ASCC1: variants seen among roughly 807,000 people sequenced by gnomAD.
The protein encoded by ASCC1 is activating signal cointegrator 1 complex subunit 1.
ASCC1 carries 35 observed loss-of-function variants against 46.6 expected under a neutral mutation model. That is an observed-to-expected ratio of 0.75 (90% CI 0.57 to 0.99). ASCC1 has a LOEUF of 0.99. Among genes scored for constraint, ASCC1 ranks in the 50% least tolerant of loss-of-function variants. ASCC1 has a pLI of 0.00. For synonymous variants in ASCC1, 143 were observed against 146.6 expected, an observed-to-expected ratio of 0.98 and a Z score of 0.18; for missense variants, 376 against 428.7, an observed-to-expected ratio of 0.88 and a Z score of 1.09.
intron 9 of ASCC1, among the ~76,000 whole-genome samples, chr10:72,100,301 TCAC>T (rs1841600349): frequency 1.3e-5 from 2 of 151,858 alleles, no homozygotes; most frequent in Admixed American, 1.3e-4. Flanking sequence ...CGATCTCAGC[TCAC>T]CACAACCTCT....
chr10:72,118,731 A>T (rs986488509), intron 9 of ASCC1, among the ~76,000 whole-genome samples: 1 of 152,002 alleles, frequency 6.6e-6, no homozygotes, highest in Non-Finnish European at 1.5e-5. Flanking sequence ...GTGAGCCAAG[A>T]TCGCACCATT....
intron 9 of ASCC1, among the ~76,000 whole-genome samples, chr10:72,119,510 C>T (rs890221509): frequency 6.6e-6 from 1 of 152,164 alleles, no homozygotes; most frequent in Non-Finnish European, 1.5e-5. Flanking sequence ...TCTAACCATC[C>T]TGTTCCACCT....
At chr10:72,153,096 G>A (rs1848559540) in intron 6 of ASCC1, 108 bp from the exon 7 acceptor site, 2 of 1,407,258 alleles carry the variant, frequency 1.4e-6, no homozygotes, top group Non-Finnish European at 2.0e-6. Context: ...TTACTTACAT[G>A]TGTACAAAAA....
rs1263010220 is a variant in ASCC1 at position 72,096,088 on chromosome 10, T to A, written c.*1246A>T. On this transcript the variant is annotated 3_prime_UTR_variant, in exon 10 of 10. Coordinates refer to ENST00000672957, the MANE Select transcript of ASCC1 (RefSeq NM_001198800.3). Reference sequence around the variant, plus strand: ...GTGCAGTCCCAATAATAAATCTCACTGTTAGACACAGTCCTCACAATGTAG... The same window carrying A: ...GTGCAGTCCCAATAATAAATCTCACAGTTAGACACAGTCCTCACAATGTAG... 2.2e-6 allele frequency: 1 copy of A among 453,644 alleles called. No homozygotes were observed. The highest frequency in any genetic ancestry group is 4.4e-6 in the Non-Finnish European group (1 of 226,580). The allele number at this position is 453,644 out of a possible 1,614,324, so 28.1% of individuals were successfully genotyped here. A position where few individuals can be genotyped will look rare whatever the true frequency, so the allele number is the denominator to read the frequency against.
intron 9 of ASCC1, among the ~76,000 whole-genome samples, chr10:72,125,367 G>A (rs1164894111): frequency 4.0e-5 from 6 of 151,870 alleles, no homozygotes; most frequent in South Asian, 2.1e-4. Context: ...TAACCTTTCT[G>A]TTTACTCCAA....
intron 5 of ASCC1, among the ~76,000 whole-genome samples, chr10:72,173,608 C>T (rs997684268): frequency 1.6e-4 from 24 of 152,096 alleles, no homozygotes; most frequent in Non-Finnish European, 3.2e-4. Context: ...AATGGAGAAA[C>T]GCTCTAAATT....
At chr10:72,107,312 C>CA (rs34189600) in intron 9 of ASCC1, among the ~76,000 whole-genome samples, 4,734 of 146,544 alleles carry the variant, frequency 0.032, 220 homozygotes, top group East Asian at 0.097. Context: ...ACCCCCCCCC[C>CA]AAAAAAATAA....
At position 72,208,018 on chromosome 10, in the gene ASCC1, G is replaced by T. The variant is rs768696197; in HGVS notation, c.212+2714C>A. Among the ~76,000 whole-genome samples the T allele has an allele frequency of 1.1e-4, 16 of 151,882 alleles. No homozygotes were observed. The South Asian group carries it at 3.3e-3, about 32-fold the overall frequency. ...TTTTATTTTTTGTTGTAGAAACAGGGTCTCACCATGTTGCCCAAGCTGGGT... is the reference window on the plus strand; with the variant it reads ...TTTTATTTTTTGTTGTAGAAACAGGTTCTCACCATGTTGCCCAAGCTGGGT... On this transcript the variant is annotated intron_variant, in intron 3 of 9. Transcript: ENST00000672957.
chr10:72,139,114 CTTTT>C (rs1222967667), intron 7 of ASCC1, among the ~76,000 whole-genome samples: 1 of 130,702 alleles, frequency 7.7e-6, no homozygotes. Flanking sequence ...TTTTCTTTTT[CTTTT>C]TTTTTTTTTT....
intron 5 of ASCC1, among the ~76,000 whole-genome samples, chr10:72,161,984 A>G (rs1849750884): frequency 1.3e-5 from 2 of 152,200 alleles, no homozygotes; most frequent in African/African-American, 4.8e-5. Flanking sequence ...AAAGAAAAAA[A>G]TAAACTGGAT....
intron 9 of ASCC1, among the ~76,000 whole-genome samples, chr10:72,099,911 G>A (rs1002797371): frequency 7.2e-5 from 11 of 152,036 alleles, no homozygotes; most frequent in Admixed American, 2.0e-4. Context: ...AAAATATCTT[G>A]TAAACTGTAA....
intron 7 of ASCC1, among the ~76,000 whole-genome samples, chr10:72,149,852 T>C (rs1384567670): frequency 6.6e-6 from 1 of 152,116 alleles, no homozygotes; most frequent in Non-Finnish European, 1.5e-5. Context: ...AGGTAGGTCA[T>C]TAGTATGCTG....
At chr10:72,209,661 A>G (rs1418657645) in intron 3 of ASCC1, among the ~76,000 whole-genome samples, 2 of 151,890 alleles carry the variant, frequency 1.3e-5, no homozygotes, top group Non-Finnish European at 2.9e-5. Context: ...GTGGGCACCT[A>G]TTATCCCAGC....
At chr10:72,216,535 A>G (rs1394306035), upstream of ASCC1, among the ~76,000 whole-genome samples, 1 of 140,438 alleles carries the variant, frequency 7.1e-6, no homozygotes, top group Non-Finnish European at 1.5e-5. Context: ...GTTGTAATCC[A>G]GCTGTTTTGA....
At chr10:72,161,184 GAA>G (rs77185118) in intron 6 of ASCC1, among the ~76,000 whole-genome samples, 12 of 121,168 alleles carry the variant, frequency 9.9e-5, no homozygotes, top group Non-Finnish European at 9.0e-5. Flanking sequence ...TGGGCGACAG[GAA>G]AAAAAAAAAA....
chr10:72,216,306 G>A (rs1460923938), upstream of ASCC1: 1 of 160,506 alleles, frequency 6.2e-6, no homozygotes, highest in African/African-American at 2.4e-5. Context: ...TTGACCGAGT[G>A]CGCATGCGGG....
At position 72,152,726 on chromosome 10, in the gene ASCC1, T is replaced by TA. The variant is rs1391592909; in HGVS notation, c.746+142dup. On this transcript the variant is annotated intron_variant, in intron 7 of 9. Transcript: ENST00000672957. ...AAATTCCTCTTTCAAGAGATTAACT[T>TA]ACTATTAAAAAAAAAGAGAGAGAAA... is the stretch of plus-strand genomic sequence containing the variant. The TA allele has an allele frequency of 6.0e-5, 62 of 1,032,312 alleles. 1 individual carries two copies. The highest frequency in any genetic ancestry group is 4.2e-4 in the Admixed American group (16 of 37,696). 63.9% of individuals were successfully genotyped at this position (1,032,312 alleles called of 1,614,324 possible). A position where few individuals can be genotyped will look rare whatever the true frequency, so the allele number is the denominator to read the frequency against.
At position 72,127,137 on chromosome 10, in the gene ASCC1, C is replaced by G. The variant is rs866680348; in HGVS notation, c.957+945G>C. On this transcript the variant is annotated intron_variant, in intron 9 of 9. Coordinates refer to ENST00000672957, the MANE Select transcript of ASCC1 (RefSeq NM_001198800.3). ...AGCATTTCTAAAGCTAAAGCCTATTCTGACGTTATCATATACTCCCTCCTC... is the reference window on the plus strand; with the variant it reads ...AGCATTTCTAAAGCTAAAGCCTATTGTGACGTTATCATATACTCCCTCCTC... 3.9e-5 allele frequency among the ~76,000 whole-genome samples: 6 copies of G among 152,218 alleles called. No homozygotes were observed. In the South Asian group the frequency reaches 1.2e-3, roughly 32 times the overall value.
chr10:72,200,591 T>C (rs1189556764), intron 4 of ASCC1, among the ~76,000 whole-genome samples: 2 of 151,030 alleles, frequency 1.3e-5, no homozygotes, highest in East Asian at 3.9e-4. Context: ...GAGGTTGCAT[T>C]GAGCCAAGAT....
Sources: gnomAD v4.1 joint callset for allele counts (sites outside exome capture counted in the v4.1 genomes callset) on GRCh38, gnomAD v4.1.1 for gene constraint, MANE v1.5 for transcripts, NCBI Gene and HGNC (gene_info 2026-07-23, HGNC 2026-07-21) for gene names.